Variants in ZNF704 observed in about 807,000 individuals in gnomAD.
ZNF704 encodes zinc finger protein 704.
In ZNF704, 10 loss-of-function variants were observed where a neutral mutation model predicts 44.7. The ratio of observed to expected loss-of-function variants is 0.22; its 90% confidence interval spans 0.14 to 0.38. ZNF704 has a LOEUF of 0.38. Among genes scored for constraint, ZNF704 ranks in the 10% least tolerant of loss-of-function variants. The pLI is 1.00. For synonymous variants in ZNF704, 211 were observed against 207.6 expected (o/e 1.02, Z -0.14); for missense variants, 390 against 545.5 (o/e 0.71, Z 2.84).
upstream of ZNF704, among the ~76,000 whole-genome samples, chr8:80,876,177 TTA>T (rs1422079404): frequency 6.6e-6 from 1 of 152,196 alleles, no homozygotes; most frequent in Non-Finnish European, 1.5e-5. Flanking sequence ...ACCACCAGAT[TTA>T]TGTTTCCGAA....
At chr8:80,671,287 C>T (rs1818274381) in intron 4 of ZNF704, among the ~76,000 whole-genome samples, 1 of 152,174 alleles carries the variant, frequency 6.6e-6, no homozygotes, top group Non-Finnish European at 1.5e-5. Flanking sequence ...GCCACCATGC[C>T]TAGCTAATTT....
chr8:80,814,949 A>G (rs1808152069), intron 2 of ZNF704, among the ~76,000 whole-genome samples: 2 of 152,306 alleles, frequency 1.3e-5, no homozygotes, highest in East Asian at 1.9e-4. Flanking sequence ...AAAGTACATA[A>G]AAGAAAGGAG....
chr8:80,668,220 C>G (rs1818225355), intron 5 of ZNF704, among the ~76,000 whole-genome samples: 1 of 152,212 alleles, frequency 6.6e-6, no homozygotes, highest in African/African-American at 2.4e-5. Flanking sequence ...GGGCAGAGGC[C>G]ACGGGTGTCC....
At chr8:80,672,232 A>G (rs1818293380) in intron 4 of ZNF704, among the ~76,000 whole-genome samples, 1 of 152,224 alleles carries the variant, frequency 6.6e-6, no homozygotes, top group Non-Finnish European at 1.5e-5. Context: ...ATCTCACACC[A>G]GTCAGAATGG....
chr8:80,670,676 T>A, intron 4 of ZNF704, 73 bp from the exon 5 acceptor site: 1 of 1,123,478 alleles, frequency 8.9e-7, no homozygotes, highest in Non-Finnish European at 1.3e-6. Context: ...CATCCCAACA[T>A]ATTTTTTTCC....
At chr8:80,661,501 A>ATCT (rs1818101439) in intron 6 of ZNF704, among the ~76,000 whole-genome samples, 1 of 152,224 alleles carries the variant, frequency 6.6e-6, no homozygotes, top group African/African-American at 2.4e-5. Flanking sequence ...TCTCATGTTT[A>ATCT]TTGCAGCACT....
chr8:80,881,680 C>A, the ZNF704 span, among the ~76,000 whole-genome samples: 1 of 152,136 alleles, frequency 6.6e-6, no homozygotes, highest in Non-Finnish European at 1.5e-5. Context: ...GTAATCCCAG[C>A]ACTTTGGGAG....
intron 2 of ZNF704, among the ~76,000 whole-genome samples, chr8:80,812,921 T>A (rs1260375567): frequency 6.6e-6 from 1 of 152,066 alleles, no homozygotes; most frequent in Admixed American, 6.5e-5. Flanking sequence ...AGATGAAGAG[T>A]TTTAAGAATC....
intron 2 of ZNF704, among the ~76,000 whole-genome samples, chr8:80,727,126 C>A (rs1806494443): frequency 6.6e-6 from 1 of 152,088 alleles, no homozygotes; most frequent in Non-Finnish European, 1.5e-5. Context: ...ACTTAGGTTG[C>A]CTGACTTTAA....
chr8:80,673,693 G>T (rs1235411774), intron 4 of ZNF704, among the ~76,000 whole-genome samples: 1 of 152,150 alleles, frequency 6.6e-6, no homozygotes, highest in Non-Finnish European at 1.5e-5. Context: ...CCATGCTGAA[G>T]ATTTTCCATA....
chr8:80,848,164 A>G (rs1808797210), intron 1 of ZNF704, among the ~76,000 whole-genome samples: 1 of 152,238 alleles, frequency 6.6e-6, no homozygotes, highest in Non-Finnish European at 1.5e-5. Flanking sequence ...GTGCAATTCC[A>G]TGTATATAAC....
chr8:80,717,707 A>G lies in ZNF704; in HGVS notation c.222-24600T>C, dbSNP rs147996270. On this transcript the variant is annotated intron_variant, in intron 2 of 8. Transcript: ENST00000327835. The stretch of plus-strand genomic sequence containing the variant: ...CCAGTTGGCTAGCTGGTCTACCACT[A>G]GTTTTTTTCTCCTTTTTTACTTTAA... Among the ~76,000 whole-genome samples the G allele has an allele frequency of 1.5e-4, 23 of 152,214 alleles. No homozygotes were observed. The East Asian group carries it at 3.7e-3, about 24-fold the overall frequency.
At chr8:80,834,745 C>T (rs1295814316) in intron 1 of ZNF704, among the ~76,000 whole-genome samples, 1 of 152,158 alleles carries the variant, frequency 6.6e-6, no homozygotes, top group Non-Finnish European at 1.5e-5. Context: ...CATGTGTTCT[C>T]ACTGTTGAAC....
chr8:80,852,176 T>G (rs1349725507), intron 1 of ZNF704, among the ~76,000 whole-genome samples: 1 of 152,158 alleles, frequency 6.6e-6, no homozygotes, highest in Non-Finnish European at 1.5e-5. Flanking sequence ...ATATCATCTC[T>G]TGGACCTTTA....
chr8:80,666,563 T>A (rs1818198323), intron 5 of ZNF704, among the ~76,000 whole-genome samples: 1 of 150,080 alleles, frequency 6.7e-6, no homozygotes, highest in African/African-American at 2.4e-5. Flanking sequence ...ATGGTTGAAC[T>A]AGTTTACAGT....
At chr8:80,830,921 C>T (rs1252359672) in intron 1 of ZNF704, among the ~76,000 whole-genome samples, 1 of 151,808 alleles carries the variant, frequency 6.6e-6, no homozygotes, top group Non-Finnish European at 1.5e-5. Context: ...CCACACCCAG[C>T]TTTTTTGTAT....
chr8:80,730,538 T>TAAAA (rs148942015), intron 2 of ZNF704, among the ~76,000 whole-genome samples: 9 of 63,962 alleles, frequency 1.4e-4, no homozygotes, highest in African/African-American at 3.6e-4. Flanking sequence ...GACTACATCT[T>TAAAA]AAAAAAAAAA....
intron 1 of ZNF704, among the ~76,000 whole-genome samples, chr8:80,826,369 CTA>C (rs1359097987): frequency 2.9e-4 from 44 of 152,282 alleles, no homozygotes; most frequent in Non-Finnish European, 2.9e-4. Context: ...CCTCCCAAGA[CTA>C]AACCAGGAAG....
At chr8:80,642,461 A>G (rs1817758921) in intron 8 of ZNF704, among the ~76,000 whole-genome samples, 1 of 152,208 alleles carries the variant, frequency 6.6e-6, no homozygotes, top group African/African-American at 2.4e-5. Context: ...GACAGTGTAG[A>G]TACACTGAAC....
Sources: gnomAD v4.1 joint callset for allele counts (sites outside exome capture counted in the v4.1 genomes callset) on GRCh38, gnomAD v4.1.1 for gene constraint, MANE v1.5 for transcripts, NCBI Gene and HGNC (gene_info 2026-07-23, HGNC 2026-07-21) for gene names.